Variants in ANKAR observed in about 807,000 individuals in gnomAD.
ANKAR encodes the protein ankyrin and armadillo repeat-containing protein.
Under a neutral mutation model 146.2 loss-of-function variants are expected in ANKAR, and 136 were observed. That is an observed-to-expected ratio of 0.93 (90% confidence interval 0.81 to 1.07). ANKAR has a LOEUF of 1.07. Among genes scored for constraint, ANKAR ranks in the 50% least tolerant of loss-of-function variants. The pLI is 0.00. For synonymous variants in ANKAR, 500 were observed against 575.8 expected (o/e 0.87, Z 1.88); for missense variants, 1,567 against 1,679.9 (o/e 0.93, Z 1.18).
At chr2:189,747,218 A>T (rs1382346857), downstream of ANKAR, 1 of 152,156 alleles carries the variant, frequency 6.6e-6, no homozygotes, top group Non-Finnish European at 1.5e-5. Context: ...GCACACCTGT[A>T]GTCCCGGCTA....
rs141362037 is a variant in ANKAR at position 189,738,567 on chromosome 2, T to C, written c.3585T>C (p.Ile1195=). ...ETEKAMAAFQ[I]VVLAKVIRDM... ...CTCTGCTTCTTTTCTGTTTTCAGATTGTTGTACTGGCTAAAGTCATTAGAG... is the reference window on the plus strand; with the variant it reads ...CTCTGCTTCTTTTCTGTTTTCAGATCGTTGTACTGGCTAAAGTCATTAGAG... The change falls in exon 19 of 23, where the codon ATT becomes ATC. Residue 1195 remains isoleucine (I), a splice_region_variant and synonymous_variant. Coordinates refer to ENST00000684021, the MANE Select transcript of ANKAR (RefSeq NM_001378068.1). The C allele has an allele frequency of 3.4e-5, 53 of 1,571,146 alleles. No homozygotes were observed. Among genetic ancestry groups the C allele is most frequent in the Non-Finnish European group, 4.2e-5 (48 of 1,151,448 alleles).
downstream of ANKAR, chr2:189,747,458 T>C (rs1050423635): frequency 1.3e-5 from 2 of 149,256 alleles, no homozygotes; most frequent in African/African-American, 2.5e-5. Flanking sequence ...AAAAATAAAA[T>C]CTGAAATCAT....
rs773524279 is a variant in ANKAR, at chr2:189,676,803, A to G, written c.313A>G (p.Arg105Gly). Reference protein sequence around the residue: ...LDYREVHQMIRELAIGIYCLN... With the variant: ...LDYREVHQMIGELAIGIYCLN... ...CTATAGAGAGGTCCATCAAATGATAAGAGAGTTGGCTATTGGAATTTATTG... is the reference window on the plus strand; with the variant it reads ...CTATAGAGAGGTCCATCAAATGATAGGAGAGTTGGCTATTGGAATTTATTG... The change falls in exon 2 of 23, where the codon AGA becomes GGA. Residue 105 changes from arginine (R) to glycine (G), a missense_variant. Physicochemically the swap from Arg to Gly is moderately radical, Grantham distance 125 (BLOSUM62 -2). Coordinates refer to ENST00000684021, the MANE Select transcript of ANKAR (RefSeq NM_001378068.1). The G allele has an allele frequency of 6.2e-7, 1 of 1,614,162 alleles. No individual in the cohort carries two copies. Among genetic ancestry groups the G allele is most frequent in the Non-Finnish European group, 8.5e-7 (1 of 1,180,004 alleles).
intron 2 of ANKAR, among the ~76,000 whole-genome samples, chr2:189,687,430 G>A (rs113723703): frequency 6.6e-6 from 1 of 152,194 alleles, no homozygotes; most frequent in African/African-American, 2.4e-5. Context: ...ACGTGGGAGT[G>A]CAGATACCCT....
chr2:189,679,422 A>G (rs1274326938), intron 2 of ANKAR, among the ~76,000 whole-genome samples: 2 of 152,114 alleles, frequency 1.3e-5, no homozygotes, highest in Non-Finnish European at 2.9e-5. Flanking sequence ...CCACAGTTTG[A>G]CTTCCTCTTT....
In ANKAR at chr2:189,692,350, C is replaced by A. The variant is rs1272574270; in HGVS notation, c.1135C>A (p.His379Asn). ...NFHYKENQYF[H>N]VHGGIEFDIS... ...TCACTACAAAGAGAATCAATATTTT[C>A]ATGTTCATGGAGGAATTGAATTTGA... is the stretch of plus-strand genomic sequence containing the variant. Residue 379 changes from histidine to asparagine, a missense_variant, in exon 4 of 23, where the codon CAT becomes AAT. His to Asn is a moderately conservative substitution (Grantham distance 68). Coordinates refer to ENST00000684021, the MANE Select transcript of ANKAR (RefSeq NM_001378068.1). 6.2e-7 allele frequency: 1 copy of A among 1,612,920 alleles called. No individual in the cohort carries two copies. The highest frequency in any genetic ancestry group is 8.5e-7 in the Non-Finnish European group (1 of 1,179,616).
chr2:189,688,023 C>A (rs925103103), intron 2 of ANKAR, among the ~76,000 whole-genome samples: 1 of 152,108 alleles, frequency 6.6e-6, no homozygotes, highest in African/African-American at 2.4e-5. Context: ...AGGTATTACT[C>A]AAGAAATCTT....
At chr2:189,759,253 CTTT>C (rs111345865) in intron 18 of ANKAR, among the ~76,000 whole-genome samples, 1 of 144,550 alleles carries the variant, frequency 6.9e-6, no homozygotes, top group Admixed American at 6.9e-5. Flanking sequence ...GTTAATTTTC[CTTT>C]TTTTTTTTTT....
At chr2:189,707,934 G>A (rs544268351) in intron 9 of ANKAR, among the ~76,000 whole-genome samples, 9 of 152,254 alleles carry the variant, frequency 5.9e-5, no homozygotes, top group African/African-American at 1.9e-4. Context: ...TCCTCAAAAG[G>A]CTTGAGAACT....
rs1308533098 is a variant in ANKAR at position 189,729,650 on chromosome 2, A to C, written c.3193+829A>C. On this transcript the variant is annotated intron_variant, in intron 15 of 22. Coordinates refer to ENST00000684021, the MANE Select transcript of ANKAR (RefSeq NM_001378068.1). Reference sequence around the variant, plus strand: ...TATACATACACATGCACATAATCAAATTTCTTCGCATTAGTTCATTTCAAA... The same window carrying C: ...TATACATACACATGCACATAATCAACTTTCTTCGCATTAGTTCATTTCAAA... Among the ~76,000 whole-genome samples the C allele has an allele frequency of 6.3e-5, 8 of 126,318 alleles. 1 individual carries two copies. The East Asian group carries it at 2.0e-3, about 32-fold the overall frequency. 82.9% of individuals were successfully genotyped at this position (126,318 alleles called of 152,430 possible).
Position 189,727,939 on chromosome 2 carries a change from G to A in ANKAR, c.2719G>A (p.Gly907Arg), listed in dbSNP as rs1438966310. ...AATTCAGGATGCTATAGCTATGGAG[G>A]GAGCGATTCCTCCTCTGGTGGCTCT... The part of the protein sequence containing the change: ...KEIQDAIAME[G>R]AIPPLVALFK... Residue 907 changes from glycine to arginine, a missense_variant, in exon 13 of 23, where the codon GGA becomes AGA. Coordinates refer to ENST00000684021, the MANE Select transcript of ANKAR (RefSeq NM_001378068.1). 1 of 1,614,006 alleles carries A rather than the reference G, an allele frequency of 6.2e-7. No individual in the cohort carries two copies. Among genetic ancestry groups the A allele is most frequent in the Admixed American group, 1.7e-5 (1 of 59,972 alleles).
intron 10 of ANKAR, among the ~76,000 whole-genome samples, chr2:189,717,309 T>A (rs948270946): frequency 2.6e-5 from 4 of 152,114 alleles, no homozygotes; most frequent in African/African-American, 9.7e-5. Flanking sequence ...AAGAAGACAT[T>A]TATGTAGACA....
chr2:189,688,523 G>A (rs940982765), intron 2 of ANKAR, among the ~76,000 whole-genome samples: 1 of 152,078 alleles, frequency 6.6e-6, no homozygotes, highest in African/African-American at 2.4e-5. Flanking sequence ...GATATGGATT[G>A]CAATGAATCT....
intron 18 of ANKAR, among the ~76,000 whole-genome samples, chr2:189,758,988 A>C (rs2106061819): frequency 6.6e-6 from 1 of 152,296 alleles, no homozygotes; most frequent in South Asian, 2.1e-4. Context: ...GAGGCACGGT[A>C]ATAATAGTTA....
intron 20 of ANKAR, 21 bp downstream of exon 20, chr2:189,741,472 ATT>A: frequency 2.0e-6 from 3 of 1,537,992 alleles, no homozygotes; most frequent in Non-Finnish European, 2.7e-6. Context: ...GCAAAAACTA[ATT>A]CTAAAATTAA....
downstream of ANKAR, among the ~76,000 whole-genome samples, chr2:189,750,366 A>T (rs377176231): frequency 6.6e-6 from 1 of 152,294 alleles, no homozygotes; most frequent in Non-Finnish European, 1.5e-5. Flanking sequence ...TTTGGTTTTT[A>T]ATAATTAAAA....
At chr2:189,692,528 T>G (rs1282143950) in intron 4 of ANKAR, 110 bp downstream of exon 4, 3 of 917,404 alleles carry the variant, frequency 3.3e-6, no homozygotes, top group African/African-American at 1.7e-5. Context: ...CTCCAAATGA[T>G]TATTCTCACA....
downstream of ANKAR, chr2:189,762,754 G>A (rs1409771334): frequency 3.0e-6 from 3 of 985,294 alleles, no homozygotes; most frequent in African/African-American, 3.5e-5. Flanking sequence ...TGCCCTTATC[G>A]CTGCAGGAGA....
At position 189,742,554 on chromosome 2, in the gene ANKAR, A is replaced by T. The variant is rs189584656; in HGVS notation, c.3811-721A>T. Among the ~76,000 whole-genome samples the T allele has an allele frequency of 2.6e-3, 402 of 152,002 alleles. 5 individuals carry two copies. The South Asian group carries it at 0.027, about 10-fold the overall frequency. ...TGTAACGTCTGAATGTTAAAAAAAA[A>T]TTTTTTTAAAGTAATAAATAAATAA... On this transcript the variant is annotated intron_variant, in intron 20 of 22. Coordinates refer to ENST00000684021, the MANE Select transcript of ANKAR (RefSeq NM_001378068.1).
Sources: allele counts gnomAD v4.1 joint callset (sites outside exome capture counted in the v4.1 genomes callset), GRCh38; gene constraint gnomAD v4.1.1; transcripts MANE v1.5; gene names NCBI Gene and HGNC (gene_info 2026-07-23, HGNC 2026-07-21).